The following CFHR1 variants were observed in gnomAD, a reference collection of about 807,000 sequenced individuals.
The protein encoded by CFHR1 is complement factor H-related protein 1.
CFHR1 carries 22 observed loss-of-function variants against 30.4 expected under a neutral mutation model. The ratio of observed to expected loss-of-function variants is 0.72; its 90% CI spans 0.52 to 1.03. The LOEUF is 1.03. Ranked by LOEUF, CFHR1 falls within the 50% of genes least tolerant of loss-of-function variation. CFHR1 has a pLI of 0.00. For missense variants in CFHR1, 248 were observed against 380.6 expected (o/e 0.65, Z 2.90); for synonymous variants, 95 against 129.1 (o/e 0.74, Z 1.79).
intron 3 of CFHR1, 138 bp downstream of exon 3, chr1:196,827,143 C>A: frequency 1.0e-6 from 1 of 976,666 alleles, no homozygotes; most frequent in Non-Finnish European, 1.5e-6. Flanking sequence ...CAATTGTGTC[C>A]AAGTGGATGT....
chr1:196,822,611 C>T (rs1212588770), intron 1 of CFHR1, among the ~76,000 whole-genome samples: 2 of 134,284 alleles, frequency 1.5e-5, no homozygotes, highest in Non-Finnish European at 3.1e-5. Flanking sequence ...CTGTCTTCTT[C>T]CCCCGCTCTT....
chr1:196,823,616 C>A (rs1397094618), intron 1 of CFHR1, among the ~76,000 whole-genome samples: 1 of 135,532 alleles, frequency 7.4e-6, no homozygotes, highest in Non-Finnish European at 1.6e-5. Flanking sequence ...AGAGAAATTT[C>A]TCTTGATTTG....
chr1:196,822,840 T>C lies in CFHR1; in HGVS notation c.59-2637T>C, dbSNP rs578237473. Among the ~76,000 whole-genome samples, 4 of 135,550 alleles carry C rather than the reference T, an allele frequency of 3.0e-5. No individual in the cohort carries two copies. In the East Asian group the frequency reaches 7.8e-4, roughly 26 times the overall value. 88.9% of individuals were successfully genotyped at this position (135,550 alleles called of 152,430 possible). On this transcript the variant is annotated intron_variant, in intron 1 of 5. Coordinates refer to ENST00000320493, the MANE Select transcript of CFHR1 (RefSeq NM_002113.3). ...AACCAGTAACACTTCTATATTATCA[T>C]CATCAAGTATTACGTACTGTACAAA...
At chr1:196,822,564 A>C (rs1573145856) in intron 1 of CFHR1, among the ~76,000 whole-genome samples, 1 of 133,528 alleles carries the variant, frequency 7.5e-6, no homozygotes, top group East Asian at 2.0e-4. Context: ...CACACACATT[A>C]ACCTCGGCCT....
chr1:196,825,130 T>C lies in CFHR1; in HGVS notation c.59-347T>C, dbSNP rs1324878724. ...GCTAAGAACAACCCTATCACTTTTC[T>C]ACTGTATACTATGTAGATCAGGAAG... On this transcript the variant is annotated intron_variant, in intron 1 of 5. Transcript: ENST00000320493. 4.5e-5 allele frequency: 8 copies of C among 178,716 alleles called. 3 individuals carry two copies. The highest frequency in any genetic ancestry group is 2.5e-4 in the African/African-American group (8 of 31,628). 11.1% of individuals were successfully genotyped at this position (178,716 alleles called of 1,614,324 possible).
At chr1:196,825,827 A>G in intron 2 of CFHR1, 156 bp downstream of exon 2, 2 of 680,238 alleles carry the variant, frequency 2.9e-6, no homozygotes, top group Non-Finnish European at 4.8e-6. Flanking sequence ...TGCCTCCTAT[A>G]AGAATCAATG....
chr1:196,823,660 G>C (rs1191618752), intron 1 of CFHR1, among the ~76,000 whole-genome samples: 1 of 135,408 alleles, frequency 7.4e-6, no homozygotes, highest in Non-Finnish European at 1.6e-5. Flanking sequence ...TTTCAAATAA[G>C]GTGAAAAATA....
chr1:196,831,013 T>C (rs1416420957), intron 5 of CFHR1, among the ~76,000 whole-genome samples: 1 of 133,256 alleles, frequency 7.5e-6, no homozygotes, highest in African/African-American at 3.3e-5. Flanking sequence ...GCACCTGTAG[T>C]CCCAGCTAGT....
intron 1 of CFHR1, among the ~76,000 whole-genome samples, chr1:196,823,774 A>AG: frequency 7.4e-6 from 1 of 135,250 alleles, no homozygotes; most frequent in Non-Finnish European, 1.6e-5. Flanking sequence ...TACGTACTCA[A>AG]AGATAAAGCA....
intron 4 of CFHR1, among the ~76,000 whole-genome samples, chr1:196,830,167 T>C (rs1655489002): frequency 7.4e-6 from 1 of 135,718 alleles, no homozygotes. Context: ...TTAGTGTTAC[T>C]CCAAAGAATG....
chr1:196,822,938 G>T (rs1655173725), intron 1 of CFHR1, among the ~76,000 whole-genome samples: 1 of 134,200 alleles, frequency 7.5e-6, no homozygotes, highest in Non-Finnish European at 1.6e-5. Context: ...CCACAAATAT[G>T]TGAGTAATAT....
At chr1:196,825,373 C>T in intron 1 of CFHR1, 104 bp from the exon 2 acceptor site, 1 of 908,440 alleles carries the variant, frequency 1.1e-6, no homozygotes, top group South Asian at 2.0e-5. Flanking sequence ...GGCATTTAAG[C>T]TAAATGAAAG....
intron 1 of CFHR1, among the ~76,000 whole-genome samples, chr1:196,824,166 C>A (rs1655231191): frequency 7.4e-6 from 1 of 134,588 alleles, no homozygotes; most frequent in Admixed American, 7.2e-5. Flanking sequence ...CCAGCAGATA[C>A]CAAAATCCAA....
intron 2 of CFHR1, 94 bp downstream of exon 2, chr1:196,825,765 C>G: frequency 1.6e-6 from 2 of 1,261,022 alleles, no homozygotes; most frequent in East Asian, 4.7e-5. Context: ...ATCACAGGGA[C>G]AGTGACCAAA....
At position 196,830,620 on chromosome 1, in the gene CFHR1, T is replaced by C. The variant is rs746102839; in HGVS notation, c.728T>C (p.Leu243Pro). The C allele has an allele frequency of 6.6e-7, 1 of 1,524,340 alleles. No individual in the cohort carries two copies. The highest frequency in any genetic ancestry group is 1.7e-5 in the African/African-American group (1 of 57,938). The allele number at this position is 1,524,340 out of a possible 1,614,324, so 94.4% of individuals were successfully genotyped here. Residue 243 changes from leucine (L) to proline (P), a missense_variant, in exon 5 of 6, where the codon CTT becomes CCT. Physicochemically the swap from Leu to Pro is moderately conservative, Grantham distance 98. This residue lies in a region of CFHR1 where 112 missense variants were observed against 156.4 expected (regional missense o/e 0.72). Coordinates refer to ENST00000320493, the MANE Select transcript of CFHR1 (RefSeq NM_002113.3). Reference sequence around the variant, plus strand: ...TACCAATGCCAGAACTTGTATCAACTTGAGGGTAACAAGCGAATAACATGT... The same window carrying C: ...TACCAATGCCAGAACTTGTATCAACCTGAGGGTAACAAGCGAATAACATGT... ...VEYQCQNLYQ[L>P]EGNKRITCRN...
intron 1 of CFHR1, among the ~76,000 whole-genome samples, chr1:196,823,802 G>A (rs187307420): frequency 3.0e-5 from 4 of 134,706 alleles, no homozygotes; most frequent in East Asian, 3.9e-4. Context: ...CCCATAGAAC[G>A]TACAACATCA....
rs1251218799 is a variant in CFHR1 at position 196,824,638 on chromosome 1, G to A, written c.59-839G>A. Among the ~76,000 whole-genome samples, 2 of 127,886 alleles carry A rather than the reference G, an allele frequency of 1.6e-5. 1 individual carries two copies. Among genetic ancestry groups the A allele is most frequent in the African/African-American group, 6.9e-5 (2 of 28,818 alleles). The allele number at this position is 127,886 out of a possible 152,430, so 83.9% of individuals were successfully genotyped here. A position where few individuals can be genotyped will look rare whatever the true frequency, so the allele number is the denominator to read the frequency against. The stretch of plus-strand genomic sequence containing the variant: ...ATGCTGTAAAAATAGTTGTTATATT[G>A]TATCTTTAATTGCATTATTTTTATT... On this transcript the variant is annotated intron_variant, in intron 1 of 5. Transcript: ENST00000320493.
chr1:196,827,407 ACT>A (rs1316725988), intron 3 of CFHR1, among the ~76,000 whole-genome samples: 1 of 134,632 alleles, frequency 7.4e-6, no homozygotes, highest in East Asian at 2.0e-4. Context: ...TGGACCTGAA[ACT>A]CTCTGATGAA....
rs1189631943 is a variant in CFHR1 at position 196,823,431 on chromosome 1, T to C, written c.59-2046T>C. 2.1e-4 allele frequency among the ~76,000 whole-genome samples: 29 copies of C among 134,930 alleles called. 2 individuals carry two copies. The highest frequency in any genetic ancestry group is 2.1e-3 in the Admixed American group (29 of 14,034). The allele number at this position is 134,930 out of a possible 152,430, so 88.5% of individuals were successfully genotyped here. On this transcript the variant is annotated intron_variant, in intron 1 of 5. Coordinates refer to ENST00000320493, the MANE Select transcript of CFHR1 (RefSeq NM_002113.3). ...ATAATTTTGGAGGAGTGAAGGATAA[T>C]TGAAAGAGTTATGGTAGGTTAATAC...
Sources: gnomAD v4.1 joint callset for allele counts (sites outside exome capture counted in the v4.1 genomes callset) on GRCh38, gnomAD v4.1.1 for gene constraint, gnomAD v4.1.1 regional missense constraint, MANE v1.5 for transcripts, NCBI Gene and HGNC (gene_info 2026-07-23, HGNC 2026-07-21) for gene names.